NUP93: variants seen among roughly 807,000 people sequenced by gnomAD.
NUP93 encodes the protein nucleoporin 93.
NUP93 carries 55 observed loss-of-function variants against 107.8 expected under a neutral mutation model. The observed-to-expected ratio is 0.51, with a 90% confidence interval of 0.41 to 0.64. The LOEUF (loss-of-function observed/expected upper bound fraction) is 0.64. Ranked by LOEUF, NUP93 falls within the 30% of genes least tolerant of loss-of-function variation. The probability of loss-of-function intolerance (pLI) is 0.00; values close to 1 mark genes in which losing one functional copy is unlikely to be tolerated. For missense variants in NUP93, 937 were observed against 1,044.7 expected (o/e 0.90, Z 1.42); for synonymous variants, 390 against 397.5 (o/e 0.98, Z 0.22).
At chr16:56,778,371 C>T (rs959732929) in intron 3 of NUP93, among the ~76,000 whole-genome samples, 1 of 152,134 alleles carries the variant, frequency 6.6e-6, no homozygotes, top group South Asian at 2.1e-4. Flanking sequence ...GACTGCCAGG[C>T]AGTGGAGTGT....
intron 5 of NUP93, among the ~76,000 whole-genome samples, chr16:56,809,427 A>G (rs1039207182): frequency 1.6e-4 from 24 of 152,228 alleles, no homozygotes; most frequent in Non-Finnish European, 2.8e-4. Context: ...AAGCAGTTTC[A>G]TGAAATTTAG....
chr16:56,749,562 T>G (rs1214078024), intron 2 of NUP93, among the ~76,000 whole-genome samples: 1 of 152,178 alleles, frequency 6.6e-6, no homozygotes, highest in East Asian at 1.9e-4. Flanking sequence ...ATCTCCTCAG[T>G]CTTCATCCCT....
chr16:56,759,930 A>G (rs1163116614), intron 3 of NUP93, among the ~76,000 whole-genome samples: 3 of 152,154 alleles, frequency 2.0e-5, no homozygotes, highest in Non-Finnish European at 2.9e-5. Flanking sequence ...TGGAGTAGGT[A>G]TTTGGAATAC....
chr16:56,815,720 C>T (rs780867865), intron 5 of NUP93, among the ~76,000 whole-genome samples: 98 of 152,286 alleles, frequency 6.4e-4, no homozygotes, highest in Non-Finnish European at 1.2e-3. Context: ...TTTTTCTCCC[C>T]ATTTAATCTT....
Position 56,772,314 on chromosome 16 carries a change from A to G in NUP93, c.297+13659A>G, listed in dbSNP as rs1426167064. 2.6e-5 allele frequency among the ~76,000 whole-genome samples: 4 copies of G among 152,252 alleles called. No homozygotes were observed. The South Asian group carries it at 6.2e-4, about 24-fold the overall frequency. On this transcript the variant is annotated intron_variant, in intron 3 of 21. Coordinates refer to ENST00000308159, the MANE Select transcript of NUP93 (RefSeq NM_014669.5). ...TTGGCAGTATGCACCCACCAAAGCTATCTTCCTGTGGAATGAACACAGTTG... is the reference window on the plus strand; with the variant it reads ...TTGGCAGTATGCACCCACCAAAGCTGTCTTCCTGTGGAATGAACACAGTTG...
chr16:56,819,440 G>T (rs1454237496), intron 6 of NUP93, among the ~76,000 whole-genome samples: 4 of 152,200 alleles, frequency 2.6e-5, no homozygotes, highest in Admixed American at 6.5e-5. Flanking sequence ...TGAATTGAGG[G>T]CAGTGGGCCT....
intron 8 of NUP93, among the ~76,000 whole-genome samples, chr16:56,825,560 A>G (rs540834937): frequency 4.0e-5 from 6 of 151,836 alleles, no homozygotes; most frequent in Non-Finnish European, 8.8e-5. Flanking sequence ...ATGACTGCTC[A>G]TGACTACTTT....
chr16:56,835,271 C>A (rs1367626326), intron 16 of NUP93, among the ~76,000 whole-genome samples: 1 of 152,192 alleles, frequency 6.6e-6, no homozygotes, highest in African/African-American at 2.4e-5. Flanking sequence ...GTTGTCATGG[C>A]AGGAGGGTCA....
rs147573926 is a variant in NUP93, at chr16:56,797,415, C to A, written c.298-1061C>A. On this transcript the variant is annotated intron_variant, in intron 3 of 21. Coordinates refer to ENST00000308159, the MANE Select transcript of NUP93 (RefSeq NM_014669.5). ...ATGGGTCATCTTCCTTGTTCCTACT[C>A]AGCCCCCCACCAGCCCAAGCTATGG... 4.7e-3 allele frequency among the ~76,000 whole-genome samples: 719 copies of A among 152,332 alleles called. 10 individuals are homozygous for A. The highest frequency in any genetic ancestry group is 0.016 in the African/African-American group (683 of 41,558).
chr16:56,839,084 A>G lies in NUP93; in HGVS notation c.2136+15A>G, dbSNP rs543439747. 5 of 1,566,398 alleles carry G rather than the reference A, an allele frequency of 3.2e-6. No homozygotes were observed. Among genetic ancestry groups the G allele is most frequent in the Non-Finnish European group, 2.6e-6 (3 of 1,137,354 alleles). On this transcript the variant is annotated intron_variant, in intron 19 of 21. Coordinates refer to ENST00000308159, the MANE Select transcript of NUP93 (RefSeq NM_014669.5). The stretch of plus-strand genomic sequence containing the variant: ...GAGCTTTTGATGTAAGTTTCAGGAA[A>G]GGTGTTTGAAGTGCAGGTTAATGTA...
At chr16:56,751,134 A>G (rs1961911560) in intron 2 of NUP93, among the ~76,000 whole-genome samples, 1 of 152,090 alleles carries the variant, frequency 6.6e-6, no homozygotes, top group Admixed American at 6.6e-5. Flanking sequence ...AAGACACCAC[A>G]CTAGATTTTT....
chr16:56,842,918 C>A (rs1258616505), intron 21 of NUP93, among the ~76,000 whole-genome samples: 2 of 152,170 alleles, frequency 1.3e-5, no homozygotes, highest in Non-Finnish European at 2.9e-5. Flanking sequence ...ATGAGACTCT[C>A]AGCATCTCAG....
At chr16:56,818,807 CA>C (rs1963487670) in intron 6 of NUP93, 69 bp downstream of exon 6, 5 of 1,327,126 alleles carry the variant, frequency 3.8e-6, no homozygotes, top group Non-Finnish European at 5.3e-6. Context: ...TAAAAGGAAA[CA>C]AAAACTTGTA....
chr16:56,807,153 A>G (rs951300748), intron 5 of NUP93, among the ~76,000 whole-genome samples: 10 of 152,194 alleles, frequency 6.6e-5, no homozygotes, highest in East Asian at 1.9e-4. Context: ...CCAGCCGAAC[A>G]GGCTTCTTAC....
intron 3 of NUP93, among the ~76,000 whole-genome samples, chr16:56,759,179 C>T (rs1962081062): frequency 6.6e-6 from 1 of 152,184 alleles, no homozygotes; most frequent in Non-Finnish European, 1.5e-5. Context: ...TTTAACCAAA[C>T]ATGCCACAAG....
intron 3 of NUP93, among the ~76,000 whole-genome samples, chr16:56,788,093 A>G (rs1289726044): frequency 1.3e-5 from 2 of 152,192 alleles, no homozygotes; most frequent in Admixed American, 6.5e-5. Context: ...GGAAGGGGAT[A>G]AAATGCTCAC....
intron 5 of NUP93, among the ~76,000 whole-genome samples, chr16:56,817,063 A>G (rs1773096430): frequency 6.6e-6 from 1 of 152,176 alleles, no homozygotes; most frequent in African/African-American, 2.4e-5. Flanking sequence ...AGGAATTGGG[A>G]GTGATCATTG....
At chr16:56,770,780 T>G (rs143188202) in intron 3 of NUP93, among the ~76,000 whole-genome samples, 3 of 151,966 alleles carry the variant, frequency 2.0e-5, no homozygotes, top group Non-Finnish European at 4.4e-5. Flanking sequence ...GTGGCCCTCA[T>G]AGGCCGGGCG....
intron 3 of NUP93, among the ~76,000 whole-genome samples, chr16:56,774,673 G>T (rs1484468506): frequency 2.0e-5 from 3 of 152,254 alleles, no homozygotes; most frequent in Non-Finnish European, 4.4e-5. Context: ...TGTATAGATG[G>T]TTGAAAATAC....
Sources: gnomAD v4.1 joint callset for allele counts (sites outside exome capture counted in the v4.1 genomes callset) on GRCh38, gnomAD v4.1.1 for gene constraint, MANE v1.5 for transcripts, NCBI Gene and HGNC (gene_info 2026-07-23, HGNC 2026-07-21) for gene names.